The following SND1 variants were observed in gnomAD, a reference collection of about 807,000 sequenced individuals.
SND1 encodes staphylococcal nuclease and tudor domain containing 1.
SND1 carries 38 observed loss-of-function variants against 121.7 expected under a neutral mutation model. The observed-to-expected ratio is 0.31, with a 90% confidence interval of 0.24 to 0.41. The LOEUF (loss-of-function observed/expected upper bound fraction) is 0.41, where lower values mean the gene tolerates loss of function less well. Among genes scored for constraint, SND1 ranks in the 10% least tolerant of loss-of-function variants. The pLI is 1.00. For synonymous variants in SND1, 401 were observed against 447.4 expected (o/e 0.90, Z 1.31); for missense variants, 868 against 1,184.6 (o/e 0.73, Z 3.92).
At chr7:127,845,609 G>T (rs527592692) in intron 12 of SND1, among the ~76,000 whole-genome samples, 59 of 152,312 alleles carry the variant, frequency 3.9e-4, no homozygotes, top group Admixed American at 2.2e-3. Flanking sequence ...GGAGTCAGTT[G>T]TATGCTTCCC....
intron 13 of SND1, among the ~76,000 whole-genome samples, chr7:127,903,243 C>T (rs965067263): frequency 5.3e-5 from 8 of 151,896 alleles, no homozygotes; most frequent in African/African-American, 1.9e-4. Context: ...AGACTGGTCT[C>T]GAACTCCTGA....
intron 1 of SND1, among the ~76,000 whole-genome samples, chr7:127,669,640 C>T (rs1795480105): frequency 6.6e-6 from 1 of 152,200 alleles, no homozygotes; most frequent in Admixed American, 6.5e-5. Context: ...AGATTTACCC[C>T]AAAGCCTATA....
intron 9 of SND1, among the ~76,000 whole-genome samples, chr7:127,710,870 AAGTT>A (rs1796285956): frequency 6.6e-6 from 1 of 152,244 alleles, no homozygotes; most frequent in South Asian, 2.1e-4. Flanking sequence ...ATTATGTCAT[AAGTT>A]AGTTAATAGT....
chr7:127,754,948 A>G (rs1797167581), intron 10 of SND1, among the ~76,000 whole-genome samples: 1 of 152,182 alleles, frequency 6.6e-6, no homozygotes, highest in South Asian at 2.1e-4. Context: ...CATGTTTCCA[A>G]AAGCCTTATT....
intron 16 of SND1, among the ~76,000 whole-genome samples, chr7:128,048,304 G>A (rs2117016874): frequency 6.7e-6 from 1 of 149,610 alleles, no homozygotes; most frequent in East Asian, 2.0e-4. Flanking sequence ...AACTTGTTGA[G>A]AAAGACAGGC....
chr7:127,970,497 C>T (rs1283609032), intron 15 of SND1, among the ~76,000 whole-genome samples: 2 of 152,286 alleles, frequency 1.3e-5, no homozygotes, highest in Admixed American at 1.3e-4. Context: ...TTTGCTGTCA[C>T]TGTCTTTTCC....
chr7:128,076,964 G>A (rs1349783699), intron 17 of SND1, among the ~76,000 whole-genome samples: 2 of 152,174 alleles, frequency 1.3e-5, no homozygotes, highest in African/African-American at 2.4e-5. Context: ...CTTGGCAGGA[G>A]GTAACCCCCA....
intron 1 of SND1, among the ~76,000 whole-genome samples, chr7:127,668,935 C>A (rs894536534): frequency 6.6e-6 from 1 of 152,232 alleles, no homozygotes; most frequent in Non-Finnish European, 1.5e-5. Context: ...GCATTCTCCC[C>A]TCAGTAGTTC....
intron 9 of SND1, among the ~76,000 whole-genome samples, chr7:127,719,475 G>A (rs1312689442): frequency 2.6e-5 from 4 of 152,090 alleles, no homozygotes; most frequent in Non-Finnish European, 5.9e-5. Flanking sequence ...CTTGGTCCTG[G>A]TGTGATCACT....
chr7:127,804,399 C>T (rs1584585452), intron 10 of SND1, among the ~76,000 whole-genome samples: 1 of 152,216 alleles, frequency 6.6e-6, no homozygotes, highest in South Asian at 2.1e-4. Context: ...TGTTGATACA[C>T]TTTTTATTTT....
At chr7:127,703,390 G>T in intron 7 of SND1, 67 bp downstream of exon 7, 5 of 1,546,972 alleles carry the variant, frequency 3.2e-6, no homozygotes, top group Non-Finnish European at 4.4e-6. Flanking sequence ...AAGAATAGGG[G>T]TTTGCTTCTC....
intron 12 of SND1, among the ~76,000 whole-genome samples, chr7:127,869,384 G>C (rs1799536849): frequency 6.6e-6 from 1 of 152,160 alleles, no homozygotes; most frequent in Admixed American, 6.5e-5. Flanking sequence ...AGTGAGACAG[G>C]AGCCACTACA....
At chr7:127,883,322 TG>T (rs753195805) in intron 12 of SND1, among the ~76,000 whole-genome samples, 16 of 152,138 alleles carry the variant, frequency 1.1e-4, no homozygotes, top group Non-Finnish European at 1.9e-4. Context: ...AAAATTCAAT[TG>T]TAGTAGGCCT....
At chr7:127,711,346 C>T (rs1796293776) in intron 9 of SND1, among the ~76,000 whole-genome samples, 3 of 152,212 alleles carry the variant, frequency 2.0e-5, no homozygotes, top group Admixed American at 2.0e-4. Context: ...TCTCTACATA[C>T]ACTTGATAGT....
At chr7:128,019,654 G>A (rs969194701) in intron 16 of SND1, among the ~76,000 whole-genome samples, 27 of 152,302 alleles carry the variant, frequency 1.8e-4, no homozygotes, top group Admixed American at 5.9e-4. Context: ...AATTAACTTG[G>A]TTAGAAGAAA....
chr7:127,888,142 G>C (rs1358215309), intron 13 of SND1, 130 bp downstream of exon 13: 3 of 566,864 alleles, frequency 5.3e-6, no homozygotes, highest in African/African-American at 1.9e-5. Context: ...TATTATTCTA[G>C]ATTTTCCCCA....
intron 12 of SND1, among the ~76,000 whole-genome samples, chr7:127,854,242 G>A: frequency 6.6e-6 from 1 of 152,076 alleles, no homozygotes; most frequent in Non-Finnish European, 1.5e-5. Flanking sequence ...CTCTTGCTGA[G>A]TTCAGCCTCC....
chr7:127,797,764 T>C (rs1219936621), intron 10 of SND1, among the ~76,000 whole-genome samples: 1 of 152,222 alleles, frequency 6.6e-6, no homozygotes, highest in African/African-American at 2.4e-5. Context: ...TTTCACCTTT[T>C]TTCCCCCCTT....
At chr7:128,035,676 A>G (rs896287458) in intron 16 of SND1, among the ~76,000 whole-genome samples, 1 of 152,220 alleles carries the variant, frequency 6.6e-6, no homozygotes, top group Non-Finnish European at 1.5e-5. Context: ...TGCCTGTCTA[A>G]TGTGGGCTTG....
Sources: allele counts gnomAD v4.1 joint callset (sites outside exome capture counted in the v4.1 genomes callset), GRCh38; gene constraint gnomAD v4.1.1; transcripts MANE v1.5; gene names NCBI Gene and HGNC (gene_info 2026-07-23, HGNC 2026-07-21).